Variants in ZNF385D observed in about 807,000 individuals in gnomAD.
The protein encoded by ZNF385D is zinc finger protein 385D.
A neutral mutation model predicts 35.8 loss-of-function variants in ZNF385D; 15 were observed. The observed-to-expected ratio is 0.42, with a 90% CI of 0.28 to 0.64. ZNF385D has a LOEUF of 0.64. Ranked by LOEUF, ZNF385D falls within the 30% of genes least tolerant of loss-of-function variation. The pLI is 0.23. For missense variants in ZNF385D, 474 were observed against 494.6 expected, an observed-to-expected ratio of 0.96 and a Z score of 0.39; for synonymous variants, 212 against 186.8, an observed-to-expected ratio of 1.13 and a Z score of -1.10.
intron 2 of ZNF385D, among the ~76,000 whole-genome samples, chr3:22,312,238 A>G (rs1703601279): frequency 6.6e-6 from 1 of 152,188 alleles, no homozygotes; most frequent in African/African-American, 2.4e-5. Context: ...CACTGAGGAA[A>G]AAAATAGATA....
intron 3 of ZNF385D, among the ~76,000 whole-genome samples, chr3:22,084,564 C>T (rs189425916): frequency 6.6e-5 from 10 of 152,194 alleles, no homozygotes; most frequent in Admixed American, 2.0e-4. Context: ...ACAGGAGCAC[C>T]CAGATTCATA....
At chr3:21,716,866 G>C (rs573788707) in intron 1 of ZNF385D, among the ~76,000 whole-genome samples, 22 of 152,192 alleles carry the variant, frequency 1.4e-4, no homozygotes, top group African/African-American at 4.1e-4. Flanking sequence ...GCTCATACCT[G>C]TAATCCCAGG....
At position 22,221,133 on chromosome 3, in the gene ZNF385D, T is replaced by G. The variant is rs562952591; in HGVS notation, c.107-52098A>C. On this transcript the variant is annotated intron_variant, in intron 2 of 5. Coordinates refer to the ZNF385D transcript ENST00000494108. ...TGTATGTGTGCGAGTGTGTGTGTGT[T>G]TGTGTATCTATTTACCTATCTATAT... 2.6e-5 allele frequency among the ~76,000 whole-genome samples: 4 copies of G among 152,170 alleles called. No homozygotes were observed. In the South Asian group the frequency reaches 8.3e-4, roughly 32 times the overall value.
chr3:21,625,595 A>G (rs879554536), intron 2 of ZNF385D, among the ~76,000 whole-genome samples: 14 of 152,222 alleles, frequency 9.2e-5, no homozygotes, highest in African/African-American at 2.9e-4. Context: ...TAATTTGACC[A>G]TAACTTTAGT....
At chr3:22,214,062 T>A (rs1697695972) in intron 2 of ZNF385D, among the ~76,000 whole-genome samples, 1 of 152,076 alleles carries the variant, frequency 6.6e-6, no homozygotes, top group African/African-American at 2.4e-5. Flanking sequence ...TTGCTGGAAG[T>A]CAGGGACTTC....
chr3:21,549,378 C>T (rs2062490134), intron 3 of ZNF385D, among the ~76,000 whole-genome samples: 1 of 152,206 alleles, frequency 6.6e-6, no homozygotes, highest in South Asian at 2.1e-4. Flanking sequence ...TCCCTAGCAG[C>T]TAAACCCAGT....
At chr3:22,197,960 C>G (rs1048373592) in intron 2 of ZNF385D, among the ~76,000 whole-genome samples, 2 of 152,090 alleles carry the variant, frequency 1.3e-5, no homozygotes, top group African/African-American at 4.8e-5. Context: ...TGGCTTCATA[C>G]AACCACTTTG....
intron 2 of ZNF385D, among the ~76,000 whole-genome samples, chr3:22,314,211 C>T (rs1291669413): frequency 1.3e-5 from 2 of 152,012 alleles, no homozygotes; most frequent in Admixed American, 6.6e-5. Context: ...GATTTTGGTG[C>T]ACCCACCACC....
intron 2 of ZNF385D, among the ~76,000 whole-genome samples, chr3:22,314,976 A>T (rs1276362302): frequency 6.6e-6 from 1 of 152,188 alleles, no homozygotes; most frequent in African/African-American, 2.4e-5. Flanking sequence ...ATATGGGCCC[A>T]TCACATGTAG....
intron 3 of ZNF385D, among the ~76,000 whole-genome samples, chr3:21,518,474 A>G (rs1483592893): frequency 6.6e-6 from 1 of 152,170 alleles, no homozygotes; most frequent in African/African-American, 2.4e-5. Flanking sequence ...ATGCATTGTT[A>G]TGATCCAGTT....
chr3:21,448,014 T>TTA (rs1036946301), intron 4 of ZNF385D, among the ~76,000 whole-genome samples: 99 of 152,238 alleles, frequency 6.5e-4, no homozygotes, highest in African/African-American at 2.4e-3. Context: ...TGTGCAAGAG[T>TTA]TATAATACTT....
At chr3:21,600,093 G>A (rs1475297731) in intron 2 of ZNF385D, among the ~76,000 whole-genome samples, 3 of 152,192 alleles carry the variant, frequency 2.0e-5, no homozygotes, top group Non-Finnish European at 4.4e-5. Context: ...CAAATGCCAT[G>A]ACAATGTCAG....
Position 21,529,857 on chromosome 3 carries a change from G to A in ZNF385D, c.277-18834C>T, listed in dbSNP as rs75236218. 8.5e-3 allele frequency among the ~76,000 whole-genome samples: 1,286 copies of A among 152,188 alleles called. 12 individuals are homozygous for A. Among genetic ancestry groups the A allele is most frequent in the African/African-American group, 0.029 (1,224 of 41,520 alleles). On this transcript the variant is annotated intron_variant, in intron 3 of 7. Coordinates refer to ENST00000281523, the MANE Select transcript of ZNF385D (RefSeq NM_024697.3). ...CCAAGTTACTTTTCTCCATATCTCA[G>A]TTTCTTCATTTGAAAAATTATTGCA...
At chr3:22,291,063 T>A (rs1702277962) in intron 2 of ZNF385D, among the ~76,000 whole-genome samples, 2 of 152,100 alleles carry the variant, frequency 1.3e-5, no homozygotes, top group African/African-American at 4.8e-5. Context: ...TCCCAAAGGC[T>A]CCATCTAAAA....
chr3:22,197,634 A>G (rs1696508213), intron 2 of ZNF385D, among the ~76,000 whole-genome samples: 1 of 152,010 alleles, frequency 6.6e-6, no homozygotes, highest in Non-Finnish European at 1.5e-5. Context: ...GCTCTACCCA[A>G]GCTTTTGCTC....
intron 3 of ZNF385D, among the ~76,000 whole-genome samples, chr3:21,864,896 G>C (rs759143098): frequency 6.6e-6 from 1 of 151,322 alleles, no homozygotes; most frequent in Admixed American, 6.6e-5. Context: ...GTGAAATGAA[G>C]CCTTGAGAGT....
At chr3:22,018,972 A>G (rs374132790) in intron 3 of ZNF385D, among the ~76,000 whole-genome samples, 1 of 143,762 alleles carries the variant, frequency 7.0e-6, no homozygotes, top group East Asian at 2.0e-4. Flanking sequence ...ACCCACAAAC[A>G]CCTAAAGCAT....
chr3:22,071,558 T>C (rs1208937821), intron 3 of ZNF385D, among the ~76,000 whole-genome samples: 1 of 152,180 alleles, frequency 6.6e-6, no homozygotes, highest in African/African-American at 2.4e-5. Flanking sequence ...ATTTTATGCA[T>C]TCCTCCATAC....
chr3:22,272,951 T>C (rs1487376663), intron 2 of ZNF385D, among the ~76,000 whole-genome samples: 2 of 152,032 alleles, frequency 1.3e-5, no homozygotes, highest in Admixed American at 6.6e-5. Context: ...AAATTAATGA[T>C]GACTTTTTTC....
Sources: gnomAD v4.1 joint callset for allele counts (sites outside exome capture counted in the v4.1 genomes callset) on GRCh38, gnomAD v4.1.1 for gene constraint, MANE v1.5 for transcripts, NCBI Gene and HGNC (gene_info 2026-07-23, HGNC 2026-07-21) for gene names.